The following DDX4 variants were observed in gnomAD, a reference collection of about 807,000 sequenced individuals.
DDX4 encodes DEAD-box helicase 4, also known as probable ATP-dependent RNA helicase DDX4.
Under a neutral mutation model 100.0 loss-of-function variants are expected in DDX4, and 25 were observed. The observed-to-expected ratio is 0.25, with a 90% CI of 0.18 to 0.35. DDX4 has a LOEUF of 0.35. DDX4 is among the 10% of genes least tolerant of loss of function. DDX4 has a pLI of 1.00. For missense variants in DDX4, 635 were observed against 882.4 expected, an observed-to-expected ratio of 0.72 and a Z score of 3.55; for synonymous variants, 259 against 275.7, an observed-to-expected ratio of 0.94 and a Z score of 0.60.
intron 17 of DDX4, among the ~76,000 whole-genome samples, chr5:55,796,240 C>T (rs1201873050): frequency 1.3e-5 from 2 of 152,224 alleles, no homozygotes; most frequent in Admixed American, 6.5e-5. Flanking sequence ...ATGTCAGTCT[C>T]CTCTGGTAGC....
At chr5:55,809,070 G>A (rs1743946210) in intron 18 of DDX4, among the ~76,000 whole-genome samples, 1 of 152,234 alleles carries the variant, frequency 6.6e-6, no homozygotes, top group African/African-American at 2.4e-5. Context: ...TCAGACTGCT[G>A]TGCTAGCAAT....
chr5:55,816,563 G>A lies in DDX4; in HGVS notation c.*23G>A. ...TAAAGCCAAAACATCCTTCAAGTCT[G>A]TGGTTTTGATGCAGAGAAGAAAATA... On this transcript the variant is annotated 3_prime_UTR_variant, in exon 22 of 22. Transcript: ENST00000505374. The A allele has an allele frequency of 6.2e-7, 1 of 1,604,758 alleles. No individual in the cohort carries two copies. Among genetic ancestry groups the A allele is most frequent in the Non-Finnish European group, 8.5e-7 (1 of 1,176,864 alleles).
chr5:55,751,115 T>C (rs1326700216), intron 3 of DDX4, among the ~76,000 whole-genome samples: 2 of 152,238 alleles, frequency 1.3e-5, no homozygotes, highest in Non-Finnish European at 2.9e-5. Context: ...GCTATACCAG[T>C]TTATACTCCC....
intron 2 of DDX4, among the ~76,000 whole-genome samples, chr5:55,739,817 A>G (rs1364034222): frequency 6.6e-6 from 1 of 152,184 alleles, no homozygotes; most frequent in African/African-American, 2.4e-5. Flanking sequence ...TGTGAAGTTT[A>G]TATTAAAATA....
chr5:55,796,294 A>G (rs1742930712), intron 17 of DDX4, among the ~76,000 whole-genome samples: 1 of 152,176 alleles, frequency 6.6e-6, no homozygotes, highest in Non-Finnish European at 1.5e-5. Flanking sequence ...CTGGCCATCT[A>G]GGCATCCCTC....
At chr5:55,789,659 A>G (rs1742437554) in intron 15 of DDX4, among the ~76,000 whole-genome samples, 1 of 152,170 alleles carries the variant, frequency 6.6e-6, no homozygotes, top group South Asian at 2.1e-4. Context: ...AACTAGTGCA[A>G]AATTGAAAGT....
intron 10 of DDX4, among the ~76,000 whole-genome samples, chr5:55,783,798 C>T (rs1292442718): frequency 6.6e-6 from 1 of 151,106 alleles, no homozygotes; most frequent in Non-Finnish European, 1.5e-5. Flanking sequence ...CCAGGGAAAC[C>T]AGTAGTATTG....
intron 7 of DDX4, among the ~76,000 whole-genome samples, chr5:55,769,988 C>CTCTTTAG (rs2111878373): frequency 6.6e-6 from 1 of 152,146 alleles, no homozygotes; most frequent in East Asian, 1.9e-4. Context: ...TGCCTTTACC[C>CTCTTTAG]TCTCTAGTAG....
rs1255469775 is a variant in DDX4 at position 55,782,038 on chromosome 5, A to T, written c.625+57A>T. The T allele has an allele frequency of 3.8e-6, 6 of 1,594,332 alleles. No individual in the cohort carries two copies. In the African/African-American group the frequency reaches 5.4e-5, roughly 14 times the overall value. ...TTAAAATCATTGTATTCCAAATTTAATTTTTTTCTGTACTTCACTGGTTGG... is the reference window on the plus strand; with the variant it reads ...TTAAAATCATTGTATTCCAAATTTATTTTTTTTCTGTACTTCACTGGTTGG... On this transcript the variant is annotated intron_variant, in intron 10 of 21. Coordinates refer to ENST00000505374, the MANE Select transcript of DDX4 (RefSeq NM_024415.3).
chr5:55,781,806 G>T, intron 9 of DDX4, 128 bp from the exon 10 acceptor site: 20 of 777,448 alleles, frequency 2.6e-5, no homozygotes, highest in Non-Finnish European at 3.1e-5. Context: ...CTAAAATTAA[G>T]AGATGGATGG....
chr5:55,777,778 C>T (rs1464507613), intron 7 of DDX4, among the ~76,000 whole-genome samples: 1 of 152,038 alleles, frequency 6.6e-6, no homozygotes, highest in Non-Finnish European at 1.5e-5. Context: ...TTCAGTAACT[C>T]AAAGCTGAAT....
At chr5:55,769,027 C>T (rs532813878) in intron 7 of DDX4, among the ~76,000 whole-genome samples, 3 of 152,232 alleles carry the variant, frequency 2.0e-5, no homozygotes, top group East Asian at 1.9e-4. Flanking sequence ...AGGCCTTCGT[C>T]GGATGCATAG....
chr5:55,784,676 C>CA (rs1742137893), intron 10 of DDX4, among the ~76,000 whole-genome samples: 1 of 152,044 alleles, frequency 6.6e-6, no homozygotes, highest in Non-Finnish European at 1.5e-5. Context: ...TGGTATGTGC[C>CA]AGGCAGAAGG....
At chr5:55,738,815 T>C (rs1758829667) in intron 1 of DDX4, 135 bp from the exon 2 acceptor site, 1 of 656,532 alleles carries the variant, frequency 1.5e-6, no homozygotes, top group South Asian at 1.7e-5. Flanking sequence ...ATTCCTTCTT[T>C]GGAAAAAACT....
chr5:55,802,115 C>G (rs971491057), intron 18 of DDX4, among the ~76,000 whole-genome samples: 1 of 152,098 alleles, frequency 6.6e-6, no homozygotes, highest in Non-Finnish European at 1.5e-5. Flanking sequence ...TTTTCAAATA[C>G]GAAATCCAGG....
chr5:55,739,649 T>C (rs1758872505), intron 2 of DDX4, among the ~76,000 whole-genome samples: 2 of 152,238 alleles, frequency 1.3e-5, no homozygotes, highest in Admixed American at 1.3e-4. Context: ...ATATGGTGTC[T>C]CTACAAGTTG....
At chr5:55,746,140 T>C (rs2111601752) in intron 2 of DDX4, 24 bp from the exon 3 acceptor site, 1 of 1,581,770 alleles carries the variant, frequency 6.3e-7, no homozygotes, top group East Asian at 2.2e-5. Flanking sequence ...AGGAAACTAG[T>C]TTTTTCTTTC....
intron 10 of DDX4, among the ~76,000 whole-genome samples, chr5:55,783,470 A>G (rs1197947186): frequency 6.6e-6 from 1 of 152,194 alleles, no homozygotes; most frequent in African/African-American, 2.4e-5. Context: ...CTCGTTATCT[A>G]AAAACCAGAA....
In DDX4 at chr5:55,760,281, A is replaced by G. The variant is rs1740439351; in HGVS notation, c.205+4A>G. On this transcript the variant is annotated splice_donor_region_variant and intron_variant, in intron 4 of 21. Transcript: ENST00000505374. ...GGGCGGAATTTTGGAAACAGAGGTA[A>G]GCATCTTTGTCTTTCCTTAATCTCC... 4 of 1,556,892 alleles carry G rather than the reference A, an allele frequency of 2.6e-6. No homozygotes were observed. The highest frequency in any genetic ancestry group is 3.4e-6 in the Non-Finnish European group (4 of 1,159,536).
Sources: allele counts gnomAD v4.1 joint callset (sites outside exome capture counted in the v4.1 genomes callset), GRCh38; gene constraint gnomAD v4.1.1; transcripts MANE v1.5; gene names NCBI Gene and HGNC (gene_info 2026-07-23, HGNC 2026-07-21).